Variants in ATF1 observed in about 807,000 individuals in gnomAD.
The protein encoded by ATF1 is activating transcription factor 1, also known as cyclic AMP-dependent transcription factor ATF-1.
ATF1 carries 16 observed loss-of-function variants against 34.7 expected under a neutral mutation model. The observed-to-expected ratio is 0.46, with a 90% CI of 0.31 to 0.70. The LOEUF is 0.70. Ranked by LOEUF, ATF1 falls within the 30% of genes least tolerant of loss-of-function variation. The pLI is 0.05. For synonymous variants in ATF1, 105 were observed against 113.1 expected (o/e 0.93, Z 0.46); for missense variants, 255 against 321.6 (o/e 0.79, Z 1.58).
chr12:50,764,262 G>A lies in ATF1; in HGVS notation c.-52G>A, dbSNP rs964552469. 73 of 152,066 alleles carry A rather than the reference G, an allele frequency of 4.8e-4. No homozygotes were observed. The highest frequency in any genetic ancestry group is 6.6e-4 in the Non-Finnish European group (45 of 67,954). The allele number at this position is 152,066 out of a possible 1,614,324, so 9.4% of individuals were successfully genotyped here. A position where few individuals can be genotyped will look rare whatever the true frequency, so the allele number is the denominator to read the frequency against. On this transcript the variant is annotated 5_prime_UTR_variant, in exon 1 of 7. Transcript: ENST00000262053. ...TGAATTCGGATCTACCTGGGAGGGGGGAGTGGAAGTTCCCGCCCCGGAGAG... is the reference window on the plus strand; with the variant it reads ...TGAATTCGGATCTACCTGGGAGGGGAGAGTGGAAGTTCCCGCCCCGGAGAG...
At position 50,809,597 on chromosome 12, in the gene ATF1, T is replaced by TTGGCAAGTCC; in HGVS notation, c.328+8_328+9insTGGCAAGTCC. The TTGGCAAGTCC allele has an allele frequency of 6.2e-7, 1 of 1,600,284 alleles. No individual in the cohort carries two copies. ...CTAGCAGCGGACAGTACAGTATGTA[T>TTGGCAAGTCC]AGGAATCAGTTTCCACATTATAAAC... On this transcript the variant is annotated intron_variant, in intron 4 of 6. Transcript: ENST00000262053.
chr12:50,802,764 C>T (rs1036599760), intron 3 of ATF1, among the ~76,000 whole-genome samples: 18 of 138,788 alleles, frequency 1.3e-4, no homozygotes, highest in Non-Finnish European at 1.7e-4. Flanking sequence ...CCCAGCTACT[C>T]GGGAGGCTGA....
chr12:50,801,781 A>C (rs534966018), intron 3 of ATF1, among the ~76,000 whole-genome samples: 2 of 152,356 alleles, frequency 1.3e-5, no homozygotes, highest in East Asian at 3.9e-4. Flanking sequence ...TTTCATGATA[A>C]AACTGCTCAA....
At chr12:50,787,127 C>T (rs1438993976) in intron 2 of ATF1, among the ~76,000 whole-genome samples, 1 of 152,184 alleles carries the variant, frequency 6.6e-6, no homozygotes, top group Non-Finnish European at 1.5e-5. Context: ...GGTGTACTCT[C>T]TTGTTTTCCC....
At position 50,788,669 on chromosome 12, in the gene ATF1, T is replaced by A. The variant is rs78211471; in HGVS notation, c.94-7240T>A. On this transcript the variant is annotated intron_variant, in intron 2 of 6. Transcript: ENST00000262053. ...TGTATTTGCAAATTTGCCTACTTGA[T>A]AAAATTTATTTCTAACTCCAAAAAC... 1.4e-3 allele frequency among the ~76,000 whole-genome samples: 208 copies of A among 152,260 alleles called. 2 individuals carry two copies. The highest frequency in any genetic ancestry group is 4.8e-3 in the African/African-American group (200 of 41,556).
At chr12:50,777,780 CA>C (rs34713526) in intron 1 of ATF1, among the ~76,000 whole-genome samples, 39 of 145,032 alleles carry the variant, frequency 2.7e-4, no homozygotes, top group African/African-American at 8.5e-4. Flanking sequence ...GACCCTGTCT[CA>C]AAAAAAAAAA....
At chr12:50,791,482 G>C (rs1941301026) in intron 2 of ATF1, among the ~76,000 whole-genome samples, 1 of 152,144 alleles carries the variant, frequency 6.6e-6, no homozygotes, top group Admixed American at 6.5e-5. Context: ...TTTGAACCCA[G>C]GGGTGGAGGT....
At chr12:50,795,398 G>C (rs1941389276) in intron 2 of ATF1, among the ~76,000 whole-genome samples, 1 of 152,116 alleles carries the variant, frequency 6.6e-6, no homozygotes. Flanking sequence ...AGCTCATCCA[G>C]TCTCATGGCT....
chr12:50,817,908 C>T (rs1592206814), intron 6 of ATF1, among the ~76,000 whole-genome samples: 1 of 152,122 alleles, frequency 6.6e-6, no homozygotes, highest in East Asian at 1.9e-4. Context: ...GACTGACAAC[C>T]ATTTTAAAAT....
intron 3 of ATF1, among the ~76,000 whole-genome samples, chr12:50,798,776 A>G (rs1941460689): frequency 6.6e-6 from 1 of 152,248 alleles, no homozygotes; most frequent in African/African-American, 2.4e-5. Flanking sequence ...CGTAAGTGAG[A>G]ATTGGCAGAA....
intron 2 of ATF1, among the ~76,000 whole-genome samples, chr12:50,786,930 G>A (rs1222845098): frequency 1.3e-5 from 2 of 152,186 alleles, no homozygotes; most frequent in East Asian, 3.8e-4. Flanking sequence ...GGCTGAGTGT[G>A]TGGCAAGAAC....
intron 2 of ATF1, among the ~76,000 whole-genome samples, chr12:50,781,435 A>T (rs911756036): frequency 2.0e-5 from 3 of 152,064 alleles, no homozygotes; most frequent in African/African-American, 7.2e-5. Context: ...AACTGTATTT[A>T]GAGTTGTTTT....
intron 3 of ATF1, among the ~76,000 whole-genome samples, chr12:50,808,779 G>A (rs1241974818): frequency 2.7e-5 from 4 of 148,120 alleles, no homozygotes; most frequent in East Asian, 4.0e-4. Context: ...TCACTCTGTC[G>A]CCCAGGCTGG....
intron 1 of ATF1, among the ~76,000 whole-genome samples, chr12:50,772,743 C>T (rs367905563): frequency 1.1e-4 from 16 of 151,980 alleles, no homozygotes; most frequent in East Asian, 9.6e-4. Flanking sequence ...GGCTGGAGTG[C>T]GCCTAGCCTT....
At chr12:50,777,391 G>A (rs1444214337) in intron 1 of ATF1, among the ~76,000 whole-genome samples, 1 of 151,906 alleles carries the variant, frequency 6.6e-6, no homozygotes, top group African/African-American at 2.4e-5. Flanking sequence ...GTGTATTTGA[G>A]GGGAAAAAAA....
chr12:50,764,492 T>G (rs1335313943), intron 1 of ATF1, 185 bp downstream of exon 1: 1 of 152,154 alleles, frequency 6.6e-6, no homozygotes, highest in Non-Finnish European at 1.5e-5. Context: ...CGCGCCTCGG[T>G]GCAGAGCTGC....
intron 1 of ATF1, among the ~76,000 whole-genome samples, chr12:50,767,043 A>G (rs538648251): frequency 8.5e-5 from 13 of 152,306 alleles, no homozygotes; most frequent in Non-Finnish European, 1.6e-4. Flanking sequence ...TGGAAAAAAC[A>G]TAATTTTCCT....
chr12:50,782,879 G>A (rs940112770), intron 2 of ATF1, among the ~76,000 whole-genome samples: 15 of 151,144 alleles, frequency 9.9e-5, no homozygotes, highest in Non-Finnish European at 1.9e-4. Context: ...TAGTAGAGGT[G>A]GGGTTTCACC....
chr12:50,788,993 T>G (rs1460594751), intron 2 of ATF1, among the ~76,000 whole-genome samples: 2 of 152,192 alleles, frequency 1.3e-5, no homozygotes, highest in African/African-American at 4.8e-5. Flanking sequence ...AATACATGTG[T>G]TAGATAAGTT....
Sources: gnomAD v4.1 joint callset for allele counts (sites outside exome capture counted in the v4.1 genomes callset) on GRCh38, gnomAD v4.1.1 for gene constraint, MANE v1.5 for transcripts, NCBI Gene and HGNC (gene_info 2026-07-23, HGNC 2026-07-21) for gene names.